GDAP1: variants seen among roughly 807,000 people sequenced by gnomAD.
GDAP1 encodes ganglioside-induced differentiation-associated protein 1.
In GDAP1, 34 loss-of-function variants were observed where a neutral mutation model predicts 40.1. The observed-to-expected ratio is 0.85, with a 90% CI of 0.64 to 1.13. The LOEUF is 1.13. Among genes scored for constraint, GDAP1 ranks in the 50% most tolerant of loss-of-function variants. The pLI, the probability that GDAP1 is intolerant of heterozygous loss-of-function variation, is 0.00. For missense variants in GDAP1, 374 were observed against 433.7 expected (o/e 0.86, Z 1.22); for synonymous variants, 170 against 157.4 (o/e 1.08, Z -0.60).
chr8:74,449,536 C>A (rs1806271884), intron 2 of GDAP1, among the ~76,000 whole-genome samples: 1 of 151,714 alleles, frequency 6.6e-6, no homozygotes. Context: ...AGAGAATTTG[C>A]ATATCTTTGT....
At chr8:74,357,294 C>T (rs1157543910) in intron 2 of GDAP1, among the ~76,000 whole-genome samples, 1 of 152,012 alleles carries the variant, frequency 6.6e-6, no homozygotes, top group Non-Finnish European at 1.5e-5. Context: ...GATGGGTAAC[C>T]AGAGTAGTGA....
At chr8:74,403,385 T>C (rs1805587754) in intron 2 of GDAP1, among the ~76,000 whole-genome samples, 1 of 149,958 alleles carries the variant, frequency 6.7e-6, no homozygotes, top group Non-Finnish European at 1.5e-5. Context: ...TAATTATTAA[T>C]TTTTTTTCTA....
chr8:74,402,287 A>T (rs112365438), intron 2 of GDAP1, among the ~76,000 whole-genome samples: 1 of 150,214 alleles, frequency 6.7e-6, no homozygotes, highest in Non-Finnish European at 1.5e-5. Flanking sequence ...CCTCGCTGCC[A>T]CCTTGCAGTT....
intron 2 of GDAP1, among the ~76,000 whole-genome samples, chr8:74,380,326 A>G (rs1014318374): frequency 6.6e-6 from 1 of 152,206 alleles, no homozygotes; most frequent in African/African-American, 2.4e-5. Flanking sequence ...TTTGCAGATG[A>G]GTAATCTGAG....
rs59331820 is a variant in GDAP1, at chr8:74,453,940, AACACACACACACACAC to A, written c.166-34717_166-34702del. On this transcript the variant is annotated intron_variant, in intron 2 of 2. Transcript: ENST00000523640. ...CTTTATTATCTACTATTCTGAAGAAAACACACACACACACACACACACACACACACACACACGTATT... is the reference window on the plus strand; with the variant it reads ...CTTTATTATCTACTATTCTGAAGAAAACACACACACACACACACACGTATT... Among the ~76,000 whole-genome samples, 2 of 59,078 alleles carry A rather than the reference AACACACACACACACAC, an allele frequency of 3.4e-5. 1 individual carries two copies. Among genetic ancestry groups the A allele is most frequent in the Non-Finnish European group, 6.4e-5 (2 of 31,024 alleles). The allele number at this position is 59,078 out of a possible 152,430, so 38.8% of individuals were successfully genotyped here.
At chr8:74,373,050 TC>T (rs1397971840) in intron 2 of GDAP1, among the ~76,000 whole-genome samples, 1 of 152,240 alleles carries the variant, frequency 6.6e-6, no homozygotes, top group African/African-American at 2.4e-5. Flanking sequence ...GTCAGGTTTG[TC>T]AAAGATCAGA....
At chr8:74,375,122 T>C (rs1809829527) in intron 2 of GDAP1, among the ~76,000 whole-genome samples, 1 of 151,944 alleles carries the variant, frequency 6.6e-6, no homozygotes, top group African/African-American at 2.4e-5. Flanking sequence ...AGGTTAGGAG[T>C]TGGAGACCAG....
intron 2 of GDAP1, among the ~76,000 whole-genome samples, chr8:74,402,336 G>T (rs7814378): frequency 0.37 from 55,697 of 150,058 alleles, 11,667 homozygotes; most frequent in Middle Eastern, 0.47. Context: ...GCGAGACTCC[G>T]TGGGCGTAGG....
chr8:74,470,524 A>C (rs1433985537), intron 2 of GDAP1, among the ~76,000 whole-genome samples: 1 of 151,820 alleles, frequency 6.6e-6, no homozygotes, highest in Non-Finnish European at 1.5e-5. Context: ...TGTCCTTGCG[A>C]TAGTTTGCTG....
At chr8:74,463,288 T>C (rs1221076633) in intron 2 of GDAP1, among the ~76,000 whole-genome samples, 1 of 145,976 alleles carries the variant, frequency 6.9e-6, no homozygotes, top group African/African-American at 2.6e-5. Flanking sequence ...CCCATATGTA[T>C]TAAAAAAATA....
intron 2 of GDAP1, among the ~76,000 whole-genome samples, chr8:74,488,206 G>T (rs1446871780): frequency 1.3e-5 from 2 of 152,092 alleles, no homozygotes; most frequent in Admixed American, 6.6e-5. Flanking sequence ...CCTCTACTTT[G>T]ATCCACAGGC....
intron 2 of GDAP1, among the ~76,000 whole-genome samples, chr8:74,468,995 T>G (rs1482963321): frequency 6.6e-6 from 1 of 152,156 alleles, no homozygotes; most frequent in Non-Finnish European, 1.5e-5. Context: ...AATTTTGTCT[T>G]TTTAGCATCC....
In GDAP1 at chr8:74,360,136, G is replaced by A. The variant is rs1370011538; in HGVS notation, c.311-1G>A. 9 of 1,609,868 alleles carry A rather than the reference G, an allele frequency of 5.6e-6. No homozygotes were observed. The highest frequency in any genetic ancestry group is 1.3e-5 in the African/African-American group (1 of 74,794). On this transcript the variant is annotated splice_acceptor_variant, in intron 2 of 5. Transcript: ENST00000220822. LOFTEE classifies it high-confidence loss of function. ...TCAATATTTGTGTGTGTGTATTTTA[G>A]AAAGAACACCCAGGTTAATGCCTGA...
At chr8:74,449,781 T>C (rs902298272) in intron 2 of GDAP1, among the ~76,000 whole-genome samples, 5 of 151,800 alleles carry the variant, frequency 3.3e-5, no homozygotes, top group African/African-American at 7.2e-5. Flanking sequence ...TTTTTTTGTT[T>C]TCTTTCCTTA....
intron 2 of GDAP1, among the ~76,000 whole-genome samples, chr8:74,423,738 A>T (rs1805912620): frequency 6.6e-6 from 1 of 152,058 alleles, no homozygotes; most frequent in Non-Finnish European, 1.5e-5. Context: ...TGAGAGCCGG[A>T]TGGACCACAA....
At chr8:74,415,981 TGGA>T (rs1192830252) in intron 2 of GDAP1, among the ~76,000 whole-genome samples, 1 of 149,872 alleles carries the variant, frequency 6.7e-6, no homozygotes, top group East Asian at 1.9e-4. Flanking sequence ...GGGTCATGGC[TGGA>T]AAGCAGTGGT....
downstream of GDAP1, among the ~76,000 whole-genome samples, chr8:74,370,736 G>A (rs184187605): frequency 2.0e-5 from 3 of 152,258 alleles, no homozygotes; most frequent in South Asian, 2.1e-4. Flanking sequence ...ACAAGTATGC[G>A]CTATTTATGA....
In GDAP1 at chr8:74,385,012, A is replaced by G. The variant is rs1810005180; in HGVS notation, c.165+33691A>G. Among the ~76,000 whole-genome samples, 3 of 152,188 alleles carry G rather than the reference A, an allele frequency of 2.0e-5. No individual in the cohort carries two copies. In the South Asian group the frequency reaches 6.2e-4, roughly 32 times the overall value. On this transcript the variant is annotated intron_variant, in intron 2 of 2. Transcript: ENST00000523640. ...CAAATAATATGGATGCTAAATAGCTAAACACTAATCTATTAACTTCTACTA... is the reference window on the plus strand; with the variant it reads ...CAAATAATATGGATGCTAAATAGCTGAACACTAATCTATTAACTTCTACTA...
chr8:74,358,412 A>T (rs1476392219), intron 2 of GDAP1, among the ~76,000 whole-genome samples: 1 of 152,098 alleles, frequency 6.6e-6, no homozygotes. Context: ...AGGTTCTTGG[A>T]CCCCTAAAGC....
Sources: allele counts gnomAD v4.1 joint callset (sites outside exome capture counted in the v4.1 genomes callset), GRCh38; gene constraint gnomAD v4.1.1; transcripts MANE v1.5; gene names NCBI Gene and HGNC (gene_info 2026-07-23, HGNC 2026-07-21).